TANC2: variants seen among roughly 807,000 people sequenced by gnomAD.
The protein encoded by TANC2 is protein TANC2.
Under a neutral mutation model 210.5 loss-of-function variants are expected in TANC2, and 26 were observed. The ratio of observed to expected loss-of-function variants is 0.12; its 90% CI spans 0.09 to 0.17. The LOEUF is 0.17. TANC2 is among the 10% of genes least tolerant of loss of function. TANC2 has a pLI of 1.00. For missense variants in TANC2, 2,129 were observed against 2,608.9 expected (o/e 0.82, Z 4.01); for synonymous variants, 931 against 967.1 (o/e 0.96, Z 0.69).
chr17:62,967,537 CTCTCT>C (rs1247296024), intron 1 of TANC2: 2 of 152,194 alleles, frequency 1.3e-5, no homozygotes, highest in Non-Finnish European at 2.9e-5. Context: ...GTGTCTTTCA[CTCTCT>C]TCTCTGCTCC....
chr17:63,167,412 T>A (rs1567779755), intron 5 of TANC2, among the ~76,000 whole-genome samples: 3 of 152,168 alleles, frequency 2.0e-5, no homozygotes, highest in Non-Finnish European at 4.4e-5. Context: ...TGACAATCTG[T>A]TCATTAATGG....
At chr17:63,260,171 G>C (rs1259971577) in intron 8 of TANC2, among the ~76,000 whole-genome samples, 2 of 152,214 alleles carry the variant, frequency 1.3e-5, no homozygotes, top group African/African-American at 4.8e-5. Context: ...TGAGAGTCAG[G>C]ATACCTGGCT....
chr17:63,268,241 T>A (rs1190208350), intron 9 of TANC2, among the ~76,000 whole-genome samples: 6 of 151,956 alleles, frequency 3.9e-5, no homozygotes, highest in Non-Finnish European at 8.8e-5. Context: ...TGAACTGTGC[T>A]GATCATAATG....
chr17:63,232,854 G>A (rs1225097824), intron 7 of TANC2, among the ~76,000 whole-genome samples: 1 of 152,266 alleles, frequency 6.6e-6, no homozygotes, highest in Non-Finnish European at 1.5e-5. Context: ...CCAGCAGCGG[G>A]AAAGACTAAG....
At chr17:63,035,892 T>A (rs2034953029) in intron 2 of TANC2, among the ~76,000 whole-genome samples, 2 of 152,180 alleles carry the variant, frequency 1.3e-5, no homozygotes, top group Admixed American at 1.3e-4. Flanking sequence ...TAAAAAATTT[T>A]AGCTATTCTG....
At chr17:63,408,195 A>G (rs551874406) in intron 21 of TANC2, among the ~76,000 whole-genome samples, 1 of 152,338 alleles carries the variant, frequency 6.6e-6, no homozygotes, top group East Asian at 1.9e-4. Context: ...TCAGCATAGA[A>G]CAAAAAAGGG....
intron 2 of TANC2, among the ~76,000 whole-genome samples, chr17:63,063,566 G>GTGTGTGTGTT (rs2036079034): frequency 8.5e-6 from 1 of 117,216 alleles, no homozygotes; most frequent in Non-Finnish European, 1.7e-5. Context: ...GTGTGTGTGT[G>GTGTGTGTGTT]TGTGTGTGTA....
intron 1 of TANC2, among the ~76,000 whole-genome samples, chr17:62,976,010 A>C (rs937487231): frequency 6.6e-6 from 1 of 152,140 alleles, no homozygotes; most frequent in African/African-American, 2.4e-5. Context: ...TTAGAAACCC[A>C]TGGTAGTTTG....
At chr17:62,974,856 A>G (rs1267437829) in intron 1 of TANC2, among the ~76,000 whole-genome samples, 1 of 152,230 alleles carries the variant, frequency 6.6e-6, no homozygotes, top group African/African-American at 2.4e-5. Flanking sequence ...AGCCAATGTT[A>G]CAGACATAAA....
intron 2 of TANC2, among the ~76,000 whole-genome samples, chr17:63,040,569 T>C (rs772514275): frequency 3.3e-5 from 5 of 152,152 alleles, no homozygotes; most frequent in African/African-American, 4.8e-5. Context: ...AATCCTGTGC[T>C]GATTTGTAAC....
intron 19 of TANC2, among the ~76,000 whole-genome samples, chr17:63,400,855 G>A (rs2048323719): frequency 6.6e-6 from 1 of 150,508 alleles, no homozygotes; most frequent in East Asian, 2.0e-4. Flanking sequence ...GTTTCACCAT[G>A]TTGGCCAGGC....
rs75693944 is a variant in TANC2 at position 63,008,567 on chromosome 17, A to G, written c.-23-970A>G. Among the ~76,000 whole-genome samples, 181 of 151,874 alleles carry G rather than the reference A, an allele frequency of 1.2e-3. 5 individuals are homozygous for G. In the East Asian group the frequency reaches 0.032, roughly 27 times the overall value. On this transcript the variant is annotated intron_variant, in intron 1 of 27. Coordinates refer to ENST00000689528, the Ensembl canonical transcript of TANC2. Reference sequence around the variant, plus strand: ...AAGAGTGGGACTTTCTTTTTGAACAAGATAGACTAAAATATGTTCATGTTA... The same window carrying G: ...AAGAGTGGGACTTTCTTTTTGAACAGGATAGACTAAAATATGTTCATGTTA...
At chr17:63,411,808 A>G (rs1353055975) in intron 22 of TANC2, 122 bp downstream of exon 22, 4 of 1,416,880 alleles carry the variant, frequency 2.8e-6, no homozygotes, top group Non-Finnish European at 3.8e-6. Flanking sequence ...TCAGATCTAT[A>G]CTTGCTAGAG....
intron 5 of TANC2, chr17:63,154,602 A>G (rs2039771708): frequency 6.6e-6 from 1 of 152,124 alleles, no homozygotes; most frequent in Non-Finnish European, 1.5e-5. Context: ...AATAGAGATG[A>G]TAATTTTAAA....
chr17:63,234,486 C>CA (rs1014843206), intron 7 of TANC2, among the ~76,000 whole-genome samples: 6 of 152,168 alleles, frequency 3.9e-5, no homozygotes, highest in African/African-American at 1.4e-4. Context: ...TTAATGTCTG[C>CA]AGTGTCCTTC....
intron 9 of TANC2, among the ~76,000 whole-genome samples, chr17:63,291,325 C>T (rs1241043500): frequency 2.0e-5 from 3 of 152,206 alleles, no homozygotes; most frequent in South Asian, 2.1e-4. Context: ...GCATCCTTAA[C>T]TGTCTTCCCC....
Position 63,192,627 on chromosome 17 carries a change from C to T in TANC2, c.434-1364C>T, listed in dbSNP as rs553514539. ...GGGAGCTCAAGTTCTAATCCTGGCTCTGCCATTTACTGGTTTTATTACTTT... is the reference window on the plus strand; with the variant it reads ...GGGAGCTCAAGTTCTAATCCTGGCTTTGCCATTTACTGGTTTTATTACTTT... On this transcript the variant is annotated intron_variant, in intron 5 of 27. Transcript: ENST00000689528. Among the ~76,000 whole-genome samples, 3 of 152,292 alleles carry T rather than the reference C, an allele frequency of 2.0e-5. No homozygotes were observed. In the South Asian group the frequency reaches 6.2e-4, roughly 32 times the overall value.
chr17:62,973,561 A>G (rs2031832897), intron 1 of TANC2, among the ~76,000 whole-genome samples: 1 of 152,222 alleles, frequency 6.6e-6, no homozygotes, highest in African/African-American at 2.4e-5. Context: ...GTAGGTTTAG[A>G]GAAATATACA....
chr17:63,006,791 T>A (rs1447961998), intron 1 of TANC2, among the ~76,000 whole-genome samples: 3 of 152,134 alleles, frequency 2.0e-5, no homozygotes, highest in African/African-American at 7.2e-5. Flanking sequence ...GTTTTTTTTT[T>A]AAATCTACTT....
Sources: allele counts gnomAD v4.1 joint callset (sites outside exome capture counted in the v4.1 genomes callset), GRCh38; gene constraint gnomAD v4.1.1; transcripts MANE v1.5; gene names NCBI Gene and HGNC (gene_info 2026-07-23, HGNC 2026-07-21).